The following BLOC1S2 variants were observed in gnomAD, a reference collection of about 807,000 sequenced individuals.
BLOC1S2 encodes the protein biogenesis of lysosome-related organelles complex 1 subunit 2.
A neutral mutation model predicts 19.6 loss-of-function variants in BLOC1S2; 12 were observed. That is an observed-to-expected ratio of 0.61 (90% CI 0.39 to 0.99). BLOC1S2 has a LOEUF of 0.99. BLOC1S2 is among the 50% of genes least tolerant of loss of function. The pLI, the probability that BLOC1S2 is intolerant of heterozygous loss-of-function variation, is 0.00. For synonymous variants in BLOC1S2, 66 were observed against 64.1 expected, an observed-to-expected ratio of 1.03 and a Z score of -0.14; for missense variants, 142 against 171.0, an observed-to-expected ratio of 0.83 and a Z score of 0.95.
At chr10:100,286,459 A>G in intron 1 of BLOC1S2, 146 bp downstream of exon 1, 1 of 1,483,254 alleles carries the variant, frequency 6.7e-7, no homozygotes, top group East Asian at 2.5e-5. Context: ...TCACCCTGAC[A>G]GGACAAACAC....
chr10:100,281,682 C>CAA (rs1157230215), intron 2 of BLOC1S2, among the ~76,000 whole-genome samples: 5 of 69,644 alleles, frequency 7.2e-5, no homozygotes, highest in Non-Finnish European at 1.5e-4. Context: ...GACTCCATCT[C>CAA]AAAAAAAAAA....
At chr10:100,280,524 C>A (rs957594193) in intron 3 of BLOC1S2, among the ~76,000 whole-genome samples, 1 of 152,076 alleles carries the variant, frequency 6.6e-6, no homozygotes. Context: ...TACTCCCATA[C>A]CAAGAAAGAG....
intron 4 of BLOC1S2, among the ~76,000 whole-genome samples, chr10:100,279,811 G>A (rs541060773): frequency 3.3e-5 from 5 of 152,094 alleles, no homozygotes; most frequent in Non-Finnish European, 7.4e-5. Context: ...GACCCAGGAG[G>A]CGGAGGTTGC....
rs188407740 is a variant in BLOC1S2, at chr10:100,281,429, T to A, written c.173-376A>T. 2.4e-4 allele frequency among the ~76,000 whole-genome samples: 37 copies of A among 152,200 alleles called. No individual in the cohort carries two copies. In the East Asian group the frequency reaches 6.9e-3, roughly 29 times the overall value. On this transcript the variant is annotated intron_variant, in intron 2 of 4. Transcript: ENST00000370372. ...GGCTGGGCGCGGTGGCTCATGCGTG[T>A]AATCCCAGCACTTTGGGAAGCCGAG...
chr10:100,282,277 A>G (rs180925482), intron 2 of BLOC1S2, among the ~76,000 whole-genome samples: 13 of 152,316 alleles, frequency 8.5e-5, no homozygotes, highest in African/African-American at 3.1e-4. Flanking sequence ...CTGCTAAACA[A>G]TTTGAAAAAG....
chr10:100,280,487 T>G (rs1169620991), intron 3 of BLOC1S2, among the ~76,000 whole-genome samples: 2 of 152,224 alleles, frequency 1.3e-5, no homozygotes, highest in Non-Finnish European at 2.9e-5. Context: ...TTGAGCAATC[T>G]TTCCATTACT....
At position 100,286,511 on chromosome 10, in the gene BLOC1S2, C is replaced by T. The variant is rs1421173753; in HGVS notation, c.55+94G>A. ...GTGCACTCCTCTCACCAGCCCGTTC[C>T]TGCCAGGTGAGCCACCACACACTCA... On this transcript the variant is annotated intron_variant, in intron 1 of 4. Transcript: ENST00000370372. The T allele has an allele frequency of 4.5e-6, 7 of 1,557,552 alleles. No individual in the cohort carries two copies. In the East Asian group the frequency reaches 7.1e-5, roughly 16 times the overall value.
At chr10:100,278,488 A>G (rs1848006766) in intron 4 of BLOC1S2, among the ~76,000 whole-genome samples, 1 of 152,198 alleles carries the variant, frequency 6.6e-6, no homozygotes, top group African/African-American at 2.4e-5. Flanking sequence ...TTCTGTACTA[A>G]GAAAAATTCT....
chr10:100,279,803 C>T (rs1848055660), intron 4 of BLOC1S2, among the ~76,000 whole-genome samples: 1 of 152,014 alleles, frequency 6.6e-6, no homozygotes, highest in Non-Finnish European at 1.5e-5. Context: ...TGAACCCAGA[C>T]CCAGGAGGCG....
At chr10:100,280,011 G>A (rs1848061742) in intron 4 of BLOC1S2, 113 bp downstream of exon 4, 1 of 585,636 alleles carries the variant, frequency 1.7e-6, no homozygotes, top group Non-Finnish European at 2.8e-6. Flanking sequence ...AAGGTTTTGT[G>A]AAGATTAATA....
intron 4 of BLOC1S2, among the ~76,000 whole-genome samples, chr10:100,276,240 T>A (rs1252436951): frequency 6.6e-6 from 1 of 152,102 alleles, no homozygotes; most frequent in Admixed American, 6.5e-5. Flanking sequence ...TGTTAAATGA[T>A]GAAAATAAAA....
At position 100,286,641 on chromosome 10, in the gene BLOC1S2, C is replaced by A. The variant is rs774957155; in HGVS notation, c.19G>T (p.Gly7Cys). Reference sequence around the variant, plus strand: ...TCATCACTCCGGGTCGCCAGTACGCCCTCGGCTGCCGCCGCCATAGCGGAC... The same window carrying A: ...TCATCACTCCGGGTCGCCAGTACGCACTCGGCTGCCGCCGCCATAGCGGAC... MAAAAE[G>C]VLATRSDEPA... Residue 7 changes from glycine to cysteine, a missense_variant, in exon 1 of 5, where the codon GGC (glycine) becomes TGC (cysteine). Transcript: ENST00000370372. 1.9e-6 allele frequency: 3 copies of A among 1,609,942 alleles called. No individual in the cohort carries two copies. Among genetic ancestry groups the A allele is most frequent in the East Asian group, 2.2e-5 (1 of 44,838 alleles).
intron 4 of BLOC1S2, among the ~76,000 whole-genome samples, chr10:100,278,995 G>A (rs1445070780): frequency 6.6e-6 from 1 of 151,954 alleles, no homozygotes; most frequent in Admixed American, 6.6e-5. Flanking sequence ...GCTGAGGAAG[G>A]AGGATCACTA....
intron 2 of BLOC1S2, 66 bp downstream of exon 2, chr10:100,286,031 G>A (rs918872492): frequency 1.2e-5 from 19 of 1,581,156 alleles, no homozygotes; most frequent in Non-Finnish European, 1.6e-5. Flanking sequence ...GCAGACTGAT[G>A]CTGCTAACCA....
chr10:100,277,032 G>A (rs36043872), intron 4 of BLOC1S2, among the ~76,000 whole-genome samples: 13 of 140,042 alleles, frequency 9.3e-5, no homozygotes, highest in Non-Finnish European at 1.8e-4. Flanking sequence ...GTCTCTGCCC[G>A]GCCGCCATCC....
In BLOC1S2 at chr10:100,274,932, T is replaced by G. The variant is rs1362182078; in HGVS notation, c.*530A>C. The G allele has an allele frequency of 2.5e-6, 1 of 398,692 alleles. No individual in the cohort carries two copies. Among genetic ancestry groups the G allele is most frequent in the Non-Finnish European group, 4.4e-6 (1 of 226,072 alleles). 24.7% of individuals were successfully genotyped at this position (398,692 alleles called of 1,614,324 possible). A position where few individuals can be genotyped will look rare whatever the true frequency, so the allele number is the denominator to read the frequency against. On this transcript the variant is annotated 3_prime_UTR_variant, in exon 5 of 5. Transcript: ENST00000370372. ...GACTCAGCTTGGAATTATTTTAAGA[T>G]TTTATGTTATTTGCAATATTATGGA...
At position 100,275,072 on chromosome 10, in the gene BLOC1S2, C is replaced by T. The variant is rs1325594153; in HGVS notation, c.*390G>A. 2.5e-5 allele frequency: 10 copies of T among 399,998 alleles called. No individual in the cohort carries two copies. Among genetic ancestry groups the T allele is most frequent in the East Asian group, 1.4e-4 (4 of 28,068 alleles). 24.8% of individuals were successfully genotyped at this position (399,998 alleles called of 1,614,324 possible). On this transcript the variant is annotated 3_prime_UTR_variant, in exon 5 of 5. Coordinates refer to ENST00000370372, the MANE Select transcript of BLOC1S2 (RefSeq NM_173809.5). ...CACATTAGCATCATTAACAGAAAAACGACCATTTACATAGTAACTAAAAAA... is the reference window on the plus strand; with the variant it reads ...CACATTAGCATCATTAACAGAAAAATGACCATTTACATAGTAACTAAAAAA...
At chr10:100,279,105 AAAC>A (rs995069993) in intron 4 of BLOC1S2, among the ~76,000 whole-genome samples, 7 of 152,118 alleles carry the variant, frequency 4.6e-5, no homozygotes, top group East Asian at 3.9e-4. Context: ...AAAAAAAACA[AAAC>A]AACAACAACA....
chr10:100,278,534 C>T (rs1848008353), intron 4 of BLOC1S2, among the ~76,000 whole-genome samples: 1 of 151,928 alleles, frequency 6.6e-6, no homozygotes, highest in South Asian at 2.1e-4. Flanking sequence ...TGACCTTACC[C>T]CCAACCCTGT....
Sources: gnomAD v4.1 joint callset for allele counts (sites outside exome capture counted in the v4.1 genomes callset) on GRCh38, gnomAD v4.1.1 for gene constraint, MANE v1.5 for transcripts, NCBI Gene and HGNC (gene_info 2026-07-23, HGNC 2026-07-21) for gene names.